CDYL2: variants seen among roughly 807,000 people sequenced by gnomAD.
CDYL2 encodes chromodomain Y-like protein 2.
Under a neutral mutation model 49.4 loss-of-function variants are expected in CDYL2, and 23 were observed. The ratio of observed to expected loss-of-function variants is 0.47; its 90% confidence interval spans 0.34 to 0.66. CDYL2 has a LOEUF of 0.66. CDYL2 is among the 30% of genes least tolerant of loss of function. CDYL2 has a pLI of 0.01. For synonymous variants in CDYL2, 360 were observed against 268.8 expected (o/e 1.34, Z -3.32); for missense variants, 678 against 656.4 (o/e 1.03, Z -0.36).
chr16:80,698,831 A>G (rs933708441), intron 1 of CDYL2, among the ~76,000 whole-genome samples: 2 of 152,262 alleles, frequency 1.3e-5, no homozygotes, highest in African/African-American at 4.8e-5. Flanking sequence ...CCATCAACCA[A>G]TTAAAACTCT....
At chr16:80,745,399 G>A (rs1403426956) in intron 1 of CDYL2, among the ~76,000 whole-genome samples, 1 of 152,210 alleles carries the variant, frequency 6.6e-6, no homozygotes, top group Admixed American at 6.5e-5. Context: ...GCAACAAGCA[G>A]TCCAGTAGAC....
intron 1 of CDYL2, among the ~76,000 whole-genome samples, chr16:80,735,393 T>C (rs1905484800): frequency 6.6e-6 from 1 of 152,248 alleles, no homozygotes; most frequent in South Asian, 2.1e-4. Context: ...TCCCCTTCTC[T>C]ATGCATCAGT....
chr16:80,687,276 C>A (rs1479872393), intron 1 of CDYL2, among the ~76,000 whole-genome samples: 2 of 152,124 alleles, frequency 1.3e-5, no homozygotes, highest in Non-Finnish European at 2.9e-5. Flanking sequence ...CAGCTCTAGA[C>A]AATATATGCT....
intron 1 of CDYL2, among the ~76,000 whole-genome samples, chr16:80,770,518 C>A (rs542124580): frequency 2.0e-5 from 3 of 151,974 alleles, no homozygotes; most frequent in African/African-American, 7.2e-5. Flanking sequence ...TGCTAAAGCC[C>A]AGAAAGTATA....
At chr16:80,770,388 C>A (rs543857170) in intron 1 of CDYL2, among the ~76,000 whole-genome samples, 46 of 152,266 alleles carry the variant, frequency 3.0e-4, no homozygotes, top group Admixed American at 1.3e-3. Flanking sequence ...TAGCATCAGA[C>A]TTCTCCTCCA....
At chr16:80,701,399 T>G (rs1904300214) in intron 1 of CDYL2, among the ~76,000 whole-genome samples, 1 of 152,228 alleles carries the variant, frequency 6.6e-6, no homozygotes, top group Non-Finnish European at 1.5e-5. Flanking sequence ...CAAATTCTTC[T>G]GTAAAGCTTT....
At chr16:80,743,669 T>TTGTA (rs1257361421) in intron 1 of CDYL2, among the ~76,000 whole-genome samples, 1 of 152,228 alleles carries the variant, frequency 6.6e-6, no homozygotes, top group African/African-American at 2.4e-5. Flanking sequence ...TGTTTTTTGT[T>TTGTA]TGTTTGTTTG....
intron 1 of CDYL2, among the ~76,000 whole-genome samples, chr16:80,705,586 T>A (rs958154989): frequency 1.3e-5 from 2 of 152,260 alleles, no homozygotes; most frequent in Middle Eastern, 3.2e-3. Flanking sequence ...CAGGCCTTTG[T>A]GCTATTATGA....
At chr16:80,617,255 C>A (rs1906873683) in intron 4 of CDYL2, among the ~76,000 whole-genome samples, 1 of 152,182 alleles carries the variant, frequency 6.6e-6, no homozygotes, top group African/African-American at 2.4e-5. Context: ...GTGAGAGTAC[C>A]ACTCACGGGG....
chr16:80,702,862 T>C (rs1364141106), intron 1 of CDYL2, among the ~76,000 whole-genome samples: 6 of 152,208 alleles, frequency 3.9e-5, no homozygotes, highest in Non-Finnish European at 8.8e-5. Context: ...TGAGGCCATC[T>C]TGGACTTTCC....
Position 80,709,043 on chromosome 16 carries a change from A to T in CDYL2, c.25-23914T>A, listed in dbSNP as rs1203401606. Among the ~76,000 whole-genome samples the T allele has an allele frequency of 2.0e-5, 3 of 152,234 alleles. 1 individual carries two copies. The highest frequency in any genetic ancestry group is 7.2e-5 in the African/African-American group (3 of 41,462). On this transcript the variant is annotated intron_variant, in intron 1 of 6. Transcript: ENST00000570137. ...CGTAAGGCGCCAGTCAGACAAGAAG[A>T]AATACAAATAGAAAAGCACAGGCAG...
At chr16:80,783,793 C>T (rs1459114149) in intron 1 of CDYL2, among the ~76,000 whole-genome samples, 1 of 151,906 alleles carries the variant, frequency 6.6e-6, no homozygotes, top group East Asian at 1.9e-4. Flanking sequence ...TTTTAAAAAG[C>T]CAAATAGAAA....
intron 1 of CDYL2, among the ~76,000 whole-genome samples, chr16:80,765,876 CAAAAAAAAAA>C (rs554710623): frequency 2.1e-5 from 1 of 47,174 alleles, no homozygotes; most frequent in Non-Finnish European, 4.2e-5. Context: ...CCCTCATCTA[CAAAAAAAAAA>C]AAAAAAAAAA....
At chr16:80,689,049 C>A (rs769180811) in intron 1 of CDYL2, among the ~76,000 whole-genome samples, 2 of 152,018 alleles carry the variant, frequency 1.3e-5, no homozygotes, top group Non-Finnish European at 2.9e-5. Context: ...ATAATTAATT[C>A]TCTTCCCTTT....
intron 2 of CDYL2, among the ~76,000 whole-genome samples, chr16:80,669,780 G>C (rs1275720492): frequency 5.9e-5 from 9 of 152,186 alleles, no homozygotes; most frequent in African/African-American, 1.4e-4. Flanking sequence ...TCGGAACTTG[G>C]ACAAGGAGCC....
intron 1 of CDYL2, among the ~76,000 whole-genome samples, chr16:80,802,112 A>T (rs1907944041): frequency 6.6e-6 from 1 of 152,208 alleles, no homozygotes; most frequent in Admixed American, 6.5e-5. Context: ...TCTCCTCTTA[A>T]CAGACTAATC....
intron 1 of CDYL2, among the ~76,000 whole-genome samples, chr16:80,790,599 T>G (rs1907578013): frequency 6.6e-6 from 1 of 152,238 alleles, no homozygotes; most frequent in Non-Finnish European, 1.5e-5. Flanking sequence ...ATTAGCAATG[T>G]AAATATCAAG....
At chr16:80,685,239 C>T in intron 1 of CDYL2, 110 bp from the exon 2 acceptor site, 1 of 819,844 alleles carries the variant, frequency 1.2e-6, no homozygotes, top group Non-Finnish European at 1.9e-6. Flanking sequence ...TCTACCCTAG[C>T]CAGGGGGTGA....
At position 80,639,373 on chromosome 16, in the gene CDYL2, T is replaced by C. The variant is rs964692124; in HGVS notation, c.617-6137A>G. On this transcript the variant is annotated intron_variant, in intron 2 of 6. Transcript: ENST00000570137. Reference sequence around the variant, plus strand: ...ACGCATTCACCATAATGATGTGAAATCTTATAGTCACAAAACAAAACCAAA... The same window carrying C: ...ACGCATTCACCATAATGATGTGAAACCTTATAGTCACAAAACAAAACCAAA... Among the ~76,000 whole-genome samples, 5 of 152,218 alleles carry C rather than the reference T, an allele frequency of 3.3e-5. No homozygotes were observed. In the East Asian group the frequency reaches 9.6e-4, roughly 29 times the overall value.
Sources: allele counts gnomAD v4.1 joint callset (sites outside exome capture counted in the v4.1 genomes callset), GRCh38; gene constraint gnomAD v4.1.1; transcripts MANE v1.5; gene names NCBI Gene and HGNC (gene_info 2026-07-23, HGNC 2026-07-21).